Variants in GRIK1 observed in about 807,000 individuals in gnomAD.
GRIK1 encodes glutamate receptor ionotropic, kainate 1.
A neutral mutation model predicts 105.7 loss-of-function variants in GRIK1; 69 were observed. That is an observed-to-expected ratio of 0.65 (90% CI 0.54 to 0.80). The LOEUF (loss-of-function observed/expected upper bound fraction) is 0.80. Ranked by LOEUF, GRIK1 falls within the 30% of genes least tolerant of loss-of-function variation. The probability of loss-of-function intolerance (pLI) is 0.00; values close to 1 mark genes in which losing one functional copy is unlikely to be tolerated. For synonymous variants in GRIK1, 438 were observed against 431.3 expected, an observed-to-expected ratio of 1.02 and a Z score of -0.19; for missense variants, 1,109 against 1,167.3, an observed-to-expected ratio of 0.95 and a Z score of 0.73.
intron 14 of GRIK1, among the ~76,000 whole-genome samples, chr21:29,566,724 A>G (rs2090619278): frequency 6.6e-6 from 1 of 152,230 alleles, no homozygotes; most frequent in Non-Finnish European, 1.5e-5. Flanking sequence ...CTTTGCATAT[A>G]TTGATTAATC....
chr21:29,705,545 GGACT>G (rs1258515475), intron 1 of GRIK1, among the ~76,000 whole-genome samples: 2 of 152,002 alleles, frequency 1.3e-5, no homozygotes, highest in African/African-American at 4.8e-5. Flanking sequence ...ACTCTCTTTG[GGACT>G]GACTAAAATA....
intron 1 of GRIK1, among the ~76,000 whole-genome samples, chr21:29,808,782 C>T (rs923842585): frequency 6.6e-6 from 1 of 152,112 alleles, no homozygotes; most frequent in Non-Finnish European, 1.5e-5. Context: ...TTCCAATGCC[C>T]CCTGCAGTTC....
intron 7 of GRIK1, among the ~76,000 whole-genome samples, chr21:29,618,924 A>G (rs2061915754): frequency 1.3e-5 from 2 of 151,880 alleles, no homozygotes; most frequent in African/African-American, 2.4e-5. Context: ...TCAGGAGATC[A>G]AGACAATCCT....
intron 14 of GRIK1, among the ~76,000 whole-genome samples, chr21:29,574,941 G>T (rs1286393931): frequency 6.6e-6 from 1 of 151,618 alleles, no homozygotes; most frequent in Admixed American, 6.6e-5. Context: ...TGATCCGCCC[G>T]CCTCGGCCTC....
chr21:29,542,862 C>T (rs2089993204), intron 16 of GRIK1, among the ~76,000 whole-genome samples: 1 of 152,172 alleles, frequency 6.6e-6, no homozygotes, highest in Admixed American at 6.6e-5. Context: ...TATTCAAAGG[C>T]ACTTGAAGTG....
At chr21:29,936,552 C>A (rs1438373023) in intron 1 of GRIK1, among the ~76,000 whole-genome samples, 2 of 152,214 alleles carry the variant, frequency 1.3e-5, no homozygotes, top group Non-Finnish European at 2.9e-5. Flanking sequence ...CAATTCCCAG[C>A]AACCAGCTAT....
intron 1 of GRIK1, among the ~76,000 whole-genome samples, chr21:29,790,339 G>T (rs935003733): frequency 4.6e-5 from 7 of 152,042 alleles, no homozygotes; most frequent in East Asian, 1.9e-4. Context: ...GAGCCACCTC[G>T]CCTGGCCAAG....
intron 1 of GRIK1, among the ~76,000 whole-genome samples, chr21:29,699,912 G>C (rs376130763): frequency 6.6e-6 from 1 of 152,160 alleles, no homozygotes; most frequent in South Asian, 2.1e-4. Context: ...GCCTCCCAAA[G>C]TGTTGGGATT....
At chr21:29,847,536 G>A (rs2068160112) in intron 1 of GRIK1, among the ~76,000 whole-genome samples, 1 of 152,226 alleles carries the variant, frequency 6.6e-6, no homozygotes, top group Admixed American at 6.5e-5. Context: ...GGAGGGTGCA[G>A]TGAGCCAAGA....
At chr21:29,687,747 A>G (rs2063511651) in intron 3 of GRIK1, among the ~76,000 whole-genome samples, 1 of 152,244 alleles carries the variant, frequency 6.6e-6, no homozygotes, top group African/African-American at 2.4e-5. Context: ...GAGAGTGGTT[A>G]GAATATCAAG....
At chr21:29,541,962 A>G (rs2089979681) in intron 16 of GRIK1, among the ~76,000 whole-genome samples, 1 of 152,144 alleles carries the variant, frequency 6.6e-6, no homozygotes, top group South Asian at 2.1e-4. Context: ...TCATTTACAA[A>G]TGAATTTATA....
At chr21:29,696,356 A>G (rs1245646264) in intron 1 of GRIK1, among the ~76,000 whole-genome samples, 2 of 152,258 alleles carry the variant, frequency 1.3e-5, no homozygotes, top group East Asian at 3.8e-4. Context: ...TTACCTAAGG[A>G]GCCATTTAAG....
intron 2 of GRIK1, 29 bp from the exon 3 acceptor site, chr21:29,690,014 G>T (rs754339687): frequency 1.3e-6 from 2 of 1,566,064 alleles, no homozygotes; most frequent in African/African-American, 1.4e-5. Context: ...GAGAGGATGG[G>T]GAGGGAGGGC....
chr21:29,786,139 C>T (rs1302280965), intron 1 of GRIK1, among the ~76,000 whole-genome samples: 1 of 152,194 alleles, frequency 6.6e-6, no homozygotes, highest in African/African-American at 2.4e-5. Context: ...CAGGCACACA[C>T]CACCATGCCC....
At chr21:29,872,435 C>T (rs563200666) in intron 1 of GRIK1, among the ~76,000 whole-genome samples, 4 of 151,966 alleles carry the variant, frequency 2.6e-5, no homozygotes, top group South Asian at 2.1e-4. Context: ...CCTTGTGATC[C>T]GCCCGCCTCT....
At chr21:29,767,864 A>ATGTGTGTGTG (rs60618188) in intron 1 of GRIK1, among the ~76,000 whole-genome samples, 4 of 147,222 alleles carry the variant, frequency 2.7e-5, no homozygotes, top group Non-Finnish European at 6.0e-5. Context: ...GCTGAAATTC[A>ATGTGTGTGTG]TGTGTGTGTG....
intron 1 of GRIK1, among the ~76,000 whole-genome samples, chr21:29,869,876 C>A (rs1601902716): frequency 6.6e-6 from 1 of 152,080 alleles, no homozygotes; most frequent in Admixed American, 6.5e-5. Context: ...AGGCATATTT[C>A]CCCCCATAAC....
At chr21:29,717,266 C>A (rs114741661) in intron 1 of GRIK1, among the ~76,000 whole-genome samples, 1 of 152,238 alleles carries the variant, frequency 6.6e-6, no homozygotes, top group Non-Finnish European at 1.5e-5. Context: ...GGAGCCCCCA[C>A]ACAGAGTCCC....
chr21:29,912,281 C>A (rs925973711), intron 1 of GRIK1, among the ~76,000 whole-genome samples: 1 of 152,066 alleles, frequency 6.6e-6, no homozygotes, highest in Non-Finnish European at 1.5e-5. Flanking sequence ...ATAAATATTC[C>A]AAACCCCTCC....
Sources: allele counts gnomAD v4.1 joint callset (sites outside exome capture counted in the v4.1 genomes callset), GRCh38; gene constraint gnomAD v4.1.1; transcripts MANE v1.5; gene names NCBI Gene and HGNC (gene_info 2026-07-23, HGNC 2026-07-21).